CNTNAP2: variants seen among roughly 807,000 people sequenced by gnomAD.
CNTNAP2 encodes the protein contactin associated protein 2.
In CNTNAP2, 98 loss-of-function variants were observed where a neutral mutation model predicts 155.2. The ratio of observed to expected loss-of-function variants is 0.63; its 90% CI spans 0.54 to 0.75. CNTNAP2 has a LOEUF of 0.75. Ranked by LOEUF, CNTNAP2 falls within the 30% of genes least tolerant of loss-of-function variation. The pLI, the probability that CNTNAP2 is intolerant of heterozygous loss-of-function variation, is 0.00. For missense variants in CNTNAP2, 1,727 were observed against 1,688.1 expected, an observed-to-expected ratio of 1.02 and a Z score of -0.40; for synonymous variants, 651 against 631.2, an observed-to-expected ratio of 1.03 and a Z score of -0.47.
intron 12 of CNTNAP2, among the ~76,000 whole-genome samples, chr7:147,571,747 C>T (rs1291597419): frequency 6.6e-6 from 1 of 152,110 alleles, no homozygotes; most frequent in Non-Finnish European, 1.5e-5. Flanking sequence ...CTAACCCCTT[C>T]ATTTTCCTTT....
intron 11 of CNTNAP2, among the ~76,000 whole-genome samples, chr7:147,490,484 T>A (rs866861560): frequency 3.3e-5 from 5 of 152,326 alleles, no homozygotes; most frequent in African/African-American, 1.2e-4. Context: ...TACCATGTTG[T>A]TGATAATCCA....
At chr7:148,005,062 C>T (rs1221431500) in intron 15 of CNTNAP2, among the ~76,000 whole-genome samples, 1 of 152,186 alleles carries the variant, frequency 6.6e-6, no homozygotes, top group Non-Finnish European at 1.5e-5. Flanking sequence ...CTGTCTTTGT[C>T]ATATTGGGAT....
At chr7:147,956,599 T>C (rs1801020292) in intron 14 of CNTNAP2, among the ~76,000 whole-genome samples, 1 of 152,154 alleles carries the variant, frequency 6.6e-6, no homozygotes, top group South Asian at 2.1e-4. Context: ...CCTTTCCTCA[T>C]ACCTAGACCC....
At chr7:147,820,177 A>C (rs1294553084) in intron 13 of CNTNAP2, among the ~76,000 whole-genome samples, 1 of 152,030 alleles carries the variant, frequency 6.6e-6, no homozygotes, top group Non-Finnish European at 1.5e-5. Flanking sequence ...TCAGAGTTTT[A>C]ATTTTAATTT....
chr7:146,664,157 C>CT (rs35241151), intron 1 of CNTNAP2, among the ~76,000 whole-genome samples: 2,455 of 68,398 alleles, frequency 0.036, 26 homozygotes, highest in Admixed American at 0.049. Context: ...CAATAAATTC[C>CT]TTTTTTTTTT....
In CNTNAP2 at chr7:147,772,400, A is replaced by G. The variant is rs1797483774; in HGVS notation, c.2099-131165A>G. Reference sequence around the variant, plus strand: ...CCACAGCAGAGTGACACTTTGTCTAAAAAAAAAAATATATATATATAATAT... The same window carrying G: ...CCACAGCAGAGTGACACTTTGTCTAGAAAAAAAAATATATATATATAATAT... On this transcript the variant is annotated intron_variant, in intron 13 of 23. Coordinates refer to ENST00000361727, the MANE Select transcript of CNTNAP2 (RefSeq NM_014141.6). 3.2e-5 allele frequency among the ~76,000 whole-genome samples: 3 copies of G among 94,000 alleles called. No individual in the cohort carries two copies. The South Asian group carries it at 8.2e-4, about 26-fold the overall frequency. The allele number at this position is 94,000 out of a possible 152,430, so 61.7% of individuals were successfully genotyped here.
chr7:147,930,138 A>T (rs1481485816), intron 14 of CNTNAP2, among the ~76,000 whole-genome samples: 1 of 152,210 alleles, frequency 6.6e-6, no homozygotes, highest in Non-Finnish European at 1.5e-5. Context: ...ACAGAAAGAA[A>T]AAAAAACAGG....
intron 1 of CNTNAP2, among the ~76,000 whole-genome samples, chr7:146,337,417 T>C (rs988330505): frequency 6.6e-6 from 1 of 152,124 alleles, no homozygotes; most frequent in Non-Finnish European, 1.5e-5. Context: ...AACATTCAAA[T>C]CATGTTTAAT....
intron 10 of CNTNAP2, among the ~76,000 whole-genome samples, chr7:147,458,707 T>G (rs543940279): frequency 1.5e-4 from 23 of 152,324 alleles, no homozygotes; most frequent in African/African-American, 5.3e-4. Flanking sequence ...TTGTAAAATA[T>G]GTAGATTGAG....
Position 148,147,545 on chromosome 7 carries a change from T to C in CNTNAP2, c.2609T>C (p.Val870Ala), listed in dbSNP as rs138481453. The change falls in exon 17 of 24, where the codon GTA becomes GCA. Residue 870 changes from valine to alanine, a missense_variant. Val to Ala is a moderately conservative substitution (Grantham distance 64). Transcript: ENST00000361727. The stretch of plus-strand genomic sequence containing the variant: ...GTGGGAAATGGGCCAGTAGAGATTG[T>C]AGTGAGGTCACCAACCCCTCTCAAC... ...FDVGNGPVEI[V>A]VRSPTPLNDD... is the part of the protein sequence containing the mutation. The C allele has an allele frequency of 1.9e-4, 300 of 1,614,116 alleles. 2 individuals are homozygous for C. The African/African-American group carries it at 3.3e-3, about 17-fold the overall frequency.
intron 8 of CNTNAP2, among the ~76,000 whole-genome samples, chr7:147,225,339 C>A (rs1803496111): frequency 6.6e-6 from 1 of 152,008 alleles, no homozygotes; most frequent in Non-Finnish European, 1.5e-5. Context: ...ATATTTATAA[C>A]CTGATTAATT....
rs549962208 is a variant in CNTNAP2 at position 147,464,939 on chromosome 7, T to C, written c.1671-20996T>C. ...ATTCTCTCCTGATATGTATTTCATT[T>C]GATGTGATACATATACACCATGAAA... On this transcript the variant is annotated intron_variant, in intron 10 of 23. Transcript: ENST00000361727. Among the ~76,000 whole-genome samples, 7 of 152,344 alleles carry C rather than the reference T, an allele frequency of 4.6e-5. 1 individual carries two copies. In the South Asian group the frequency reaches 1.0e-3, roughly 23 times the overall value.
chr7:148,271,350 C>T (rs1796776105), intron 21 of CNTNAP2, among the ~76,000 whole-genome samples: 1 of 152,202 alleles, frequency 6.6e-6, no homozygotes, highest in Admixed American at 6.5e-5. Context: ...GAATGTTTAG[C>T]ATTCTCCCTG....
intron 12 of CNTNAP2, among the ~76,000 whole-genome samples, chr7:147,618,479 A>G (rs1801333198): frequency 2.0e-5 from 3 of 152,160 alleles, no homozygotes; most frequent in Non-Finnish European, 2.9e-5. Context: ...CATGGTTTGA[A>G]AAACAAAAAT....
chr7:147,335,315 T>C (rs1227850519), intron 9 of CNTNAP2, among the ~76,000 whole-genome samples: 3 of 152,206 alleles, frequency 2.0e-5, no homozygotes, highest in Non-Finnish European at 4.4e-5. Context: ...ATTTGGTTTC[T>C]GTTTTTCTCA....
At chr7:146,701,894 G>A (rs73457215) in intron 1 of CNTNAP2, among the ~76,000 whole-genome samples, 7,851 of 152,202 alleles carry the variant, frequency 0.052, 705 homozygotes, top group African/African-American at 0.18. Flanking sequence ...CATAGGCTAT[G>A]CTTGTGATTC....
At chr7:146,908,274 T>G (rs1475268307) in intron 3 of CNTNAP2, among the ~76,000 whole-genome samples, 1 of 150,922 alleles carries the variant, frequency 6.6e-6, no homozygotes, top group African/African-American at 2.4e-5. Flanking sequence ...TACCCAGGAA[T>G]TGAACTCAGC....
intron 14 of CNTNAP2, among the ~76,000 whole-genome samples, chr7:147,905,855 C>T (rs1799947962): frequency 6.6e-6 from 1 of 151,700 alleles, no homozygotes; most frequent in African/African-American, 2.4e-5. Context: ...CGTGCCACTG[C>T]ACTCCAGCCT....
At chr7:147,975,365 G>A (rs1801411938) in intron 14 of CNTNAP2, among the ~76,000 whole-genome samples, 1 of 152,004 alleles carries the variant, frequency 6.6e-6, no homozygotes, top group Admixed American at 6.6e-5. Flanking sequence ...AAATCATTAT[G>A]TGGGTCATGG....
Sources: allele counts gnomAD v4.1 joint callset (sites outside exome capture counted in the v4.1 genomes callset), GRCh38; gene constraint gnomAD v4.1.1; transcripts MANE v1.5; gene names NCBI Gene and HGNC (gene_info 2026-07-23, HGNC 2026-07-21).